The following APELA variants were observed in gnomAD, a reference collection of about 807,000 sequenced individuals.
APELA encodes protein Elabela.
intron 2 of APELA, among the ~76,000 whole-genome samples, chr4:164,885,698 G>A (rs940273698): frequency 4.6e-5 from 7 of 151,656 alleles, no homozygotes; most frequent in Admixed American, 2.6e-4. Flanking sequence ...CCAAGATCAC[G>A]CCATTGCACT....
rs1465010495 is a variant in APELA, at chr4:164,895,546, C to A, written c.*132C>A. ...AGAAGTTCCTACACAAAAAAAGGAT[C>A]ATTTGAAAGCACCTGGAATGGTTTA... On this transcript the variant is annotated 3_prime_UTR_variant, in exon 3 of 3. Coordinates refer to ENST00000507152, the MANE Select transcript of APELA (RefSeq NM_001297550.2). 6.6e-6 allele frequency: 1 copy of A among 152,156 alleles called. No homozygotes were observed. The highest frequency in any genetic ancestry group is 1.5e-5 in the Non-Finnish European group (1 of 68,032). 9.4% of individuals were successfully genotyped at this position (152,156 alleles called of 1,614,324 possible).
In APELA at chr4:164,884,121, GAGAA is replaced by G. The variant is rs375419662; in HGVS notation, c.*1+5147_*1+5150del. 2.9e-3 allele frequency among the ~76,000 whole-genome samples: 334 copies of G among 113,376 alleles called. 3 individuals are homozygous for G. Among genetic ancestry groups the G allele is most frequent in the East Asian group, 0.024 (100 of 4,160 alleles). The allele number at this position is 113,376 out of a possible 152,430, so 74.4% of individuals were successfully genotyped here. On this transcript the variant is annotated intron_variant, in intron 2 of 2. Transcript: ENST00000507152. ...AGAAAGAATGAAAGAAAGAAAGAAAGAGAAAGAAAGAAAGAAAGAAAGAAAGAAA... is the reference window on the plus strand; with the variant it reads ...AGAAAGAATGAAAGAAAGAAAGAAAGAGAAAGAAAGAAAGAAAGAAAGAAA...
intron 2 of APELA, among the ~76,000 whole-genome samples, chr4:164,893,508 T>G (rs1314442112): frequency 1.3e-5 from 2 of 152,200 alleles, no homozygotes; most frequent in African/African-American, 4.8e-5. Flanking sequence ...TATATATATC[T>G]TCATAATTGT....
At chr4:164,894,707 A>G (rs1368813957) in intron 2 of APELA, among the ~76,000 whole-genome samples, 1 of 152,126 alleles carries the variant, frequency 6.6e-6, no homozygotes, top group Non-Finnish European at 1.5e-5. Flanking sequence ...ACCCAGCCAC[A>G]CATATATTTT....
intron 2 of APELA, among the ~76,000 whole-genome samples, chr4:164,886,271 T>TTAA (rs1369865064): frequency 1.3e-5 from 2 of 152,208 alleles, no homozygotes; most frequent in Non-Finnish European, 2.9e-5. Flanking sequence ...CTTTTCTAAA[T>TTAA]TAATCACAGC....
intron 2 of APELA, among the ~76,000 whole-genome samples, chr4:164,892,563 A>T (rs971453599): frequency 6.6e-6 from 1 of 152,192 alleles, no homozygotes; most frequent in Admixed American, 6.5e-5. Context: ...AGCTACATTC[A>T]TAAGAAATAT....
chr4:164,883,467 T>C (rs1475620573), intron 2 of APELA, among the ~76,000 whole-genome samples: 1 of 151,342 alleles, frequency 6.6e-6, no homozygotes, highest in Non-Finnish European at 1.5e-5. Flanking sequence ...TTCTTTTATG[T>C]TCCCTTTCTA....
chr4:164,879,691 C>T (rs137988273), intron 2 of APELA, among the ~76,000 whole-genome samples: 1,805 of 152,316 alleles, frequency 0.012, 37 homozygotes, highest in African/African-American at 0.039. Flanking sequence ...GTGATCCACC[C>T]GCCTTGGCCT....
intron 2 of APELA, among the ~76,000 whole-genome samples, chr4:164,888,538 T>C (rs910560475): frequency 9.2e-5 from 14 of 152,228 alleles, no homozygotes; most frequent in African/African-American, 3.4e-4. Context: ...GCAGAGGTTG[T>C]GATTTGGCTT....
Position 164,897,296 on chromosome 4 carries a change from A to G in APELA, c.*1882A>G, listed in dbSNP as rs1358706417. 1 of 152,236 alleles carries G rather than the reference A, an allele frequency of 6.6e-6. No homozygotes were observed. Among genetic ancestry groups the G allele is most frequent in the Non-Finnish European group, 1.5e-5 (1 of 68,038 alleles). The allele number at this position is 152,236 out of a possible 1,614,324, so 9.4% of individuals were successfully genotyped here. A position where few individuals can be genotyped will look rare whatever the true frequency, so the allele number is the denominator to read the frequency against. On this transcript the variant is annotated 3_prime_UTR_variant, in exon 3 of 3. Coordinates refer to ENST00000507152, the MANE Select transcript of APELA (RefSeq NM_001297550.2). The stretch of plus-strand genomic sequence containing the variant: ...TCCACAAGTGCATTTGAGTAGAAGC[A>G]TAACCTATTCTCAGTTATATTTATG...
chr4:164,879,808 T>G (rs1314036219), intron 2 of APELA, among the ~76,000 whole-genome samples: 1 of 152,208 alleles, frequency 6.6e-6, no homozygotes, highest in Non-Finnish European at 1.5e-5. Flanking sequence ...TTTCTTTTAA[T>G]AGATAAAGTA....
chr4:164,895,071 C>T (rs769260063), intron 2 of APELA, among the ~76,000 whole-genome samples: 3 of 152,288 alleles, frequency 2.0e-5, no homozygotes, highest in Middle Eastern at 3.4e-3. Flanking sequence ...CAGTGGCGCA[C>T]ACCTGTAATC....
At chr4:164,886,732 A>G (rs542025438) in intron 2 of APELA, among the ~76,000 whole-genome samples, 11 of 152,342 alleles carry the variant, frequency 7.2e-5, no homozygotes, top group African/African-American at 2.6e-4. Flanking sequence ...AGTGATGTTT[A>G]TATTATAAAC....
At chr4:164,893,733 G>A (rs1402516818) in intron 2 of APELA, among the ~76,000 whole-genome samples, 1 of 152,016 alleles carries the variant, frequency 6.6e-6, no homozygotes, top group African/African-American at 2.4e-5. Flanking sequence ...AGAACCTATG[G>A]TTAATCATGT....
chr4:164,881,637 A>G (rs572660874), intron 2 of APELA, among the ~76,000 whole-genome samples: 21 of 152,140 alleles, frequency 1.4e-4, no homozygotes, highest in African/African-American at 4.8e-4. Flanking sequence ...TCTACAGGTT[A>G]ATGTGAGGGC....
rs1579110308 is a variant in APELA, at chr4:164,887,256, A to G, written c.*2-8160A>G. The stretch of plus-strand genomic sequence containing the variant: ...AAAATTTCTTTTTAGCATAAATCCC[A>G]TCTAATCCATTCCCCTCCTTACCCA... On this transcript the variant is annotated intron_variant, in intron 2 of 2. Transcript: ENST00000507152. 2.0e-5 allele frequency among the ~76,000 whole-genome samples: 3 copies of G among 152,268 alleles called. No homozygotes were observed. In the South Asian group the frequency reaches 6.2e-4, roughly 32 times the overall value.
intron 2 of APELA, among the ~76,000 whole-genome samples, chr4:164,890,786 T>C (rs1429323442): frequency 6.6e-6 from 1 of 152,228 alleles, no homozygotes; most frequent in East Asian, 1.9e-4. Context: ...CATATGGTTA[T>C]GCTATGTGTA....
rs1398500331 is a variant in APELA, at chr4:164,879,008, A to G, written c.165A>G (p.Ter55TrpextTer5). The G allele has an allele frequency of 1.0e-5, 4 of 398,840 alleles. No homozygotes were observed. The highest frequency in any genetic ancestry group is 2.1e-5 in the African/African-American group (1 of 48,624). The allele number at this position is 398,840 out of a possible 1,614,324, so 24.7% of individuals were successfully genotyped here. The stretch of plus-strand genomic sequence containing the variant: ...TCCATTCACGAGTACCCTTTCCCTG[A>G]GGTATTTCTGACAGAAAATAGATTC... ...MPLHSRVPFP* is the reference protein window; with the variant it reads ...MPLHSRVPFPW The change falls in exon 2 of 3, where the codon TGA becomes TGG. Residue 55 changes from the stop codon to tryptophan (W), a stop_lost and splice_region_variant. Coordinates refer to ENST00000507152, the MANE Select transcript of APELA (RefSeq NM_001297550.2).
chr4:164,878,196 A>AAAAGAAAGAAAAAGAAAGAAAG (rs1730593403), intron 1 of APELA, among the ~76,000 whole-genome samples: 2 of 143,382 alleles, frequency 1.4e-5, no homozygotes, highest in African/African-American at 5.3e-5. Context: ...AGAAACAGAA[A>AAAAGAAAGAAAAAGAAAGAAAG]AAAGAAAGAA....
Sources: allele counts gnomAD v4.1 joint callset (sites outside exome capture counted in the v4.1 genomes callset), GRCh38; gene constraint gnomAD v4.1.1; transcripts MANE v1.5; gene names NCBI Gene and HGNC (gene_info 2026-07-23, HGNC 2026-07-21).